The following MZF1 variants were observed in gnomAD, a reference collection of about 807,000 sequenced individuals.
The protein encoded by MZF1 is myeloid zinc finger 1.
Under a neutral mutation model 28.6 loss-of-function variants are expected in MZF1, and 24 were observed. That is an observed-to-expected ratio of 0.84 (90% CI 0.61 to 1.18). The LOEUF is 1.18. Among genes scored for constraint, MZF1 ranks in the 50% most tolerant of loss-of-function variants. MZF1 has a pLI of 0.00. For missense variants in MZF1, 1,166 were observed against 1,026.4 expected, an observed-to-expected ratio of 1.14 and a Z score of -1.86; for synonymous variants, 516 against 432.5, an observed-to-expected ratio of 1.19 and a Z score of -2.40.
chr19:58,562,260 G>A lies in MZF1; in HGVS notation c.2017C>T (p.Arg673Cys), dbSNP rs900246136. 8.1e-6 allele frequency: 13 copies of A among 1,605,424 alleles called. No homozygotes were observed. Among genetic ancestry groups the A allele is most frequent in the South Asian group, 2.2e-5 (2 of 90,368 alleles). The change falls in exon 6 of 6, where the codon CGC (arginine) becomes TGC (cysteine). Residue 673 changes from arginine (R) to cysteine (C), a missense_variant. Coordinates refer to ENST00000215057, the MANE Select transcript of MZF1 (RefSeq NM_198055.2). ...RQHANLTQHR[R>C]IHTGERPYAC... ...TAGGGCCGTTCACCCGTGTGGATGC[G>A]CCGGTGCTGGGTGAGGTTGGCGTGC...
intron 5 of MZF1, chr19:58,564,673 C>A (rs1568679957): frequency 6.6e-6 from 1 of 152,206 alleles, no homozygotes; most frequent in South Asian, 2.1e-4. Context: ...AAATGTCCCA[C>A]ACTTTGTTCA....
chr19:58,569,776 G>A (rs1433252806), intron 3 of MZF1, 190 bp from the exon 4 acceptor site: 1 of 569,978 alleles, frequency 1.8e-6, no homozygotes, highest in Non-Finnish European at 3.1e-6. Context: ...TGGAAGGCCA[G>A]GGGTTGAGCT....
chr19:58,567,324 G>A (rs1261175028), intron 5 of MZF1, among the ~76,000 whole-genome samples: 1 of 152,232 alleles, frequency 6.6e-6, no homozygotes, highest in Non-Finnish European at 1.5e-5. Flanking sequence ...GCTGGGCAGG[G>A]CTGCTGCTGT....
In MZF1 at chr19:58,569,578, C is replaced by T; in HGVS notation, c.589G>A (p.Glu197Lys). ...SEVTEDSDFLESGPLAATQES... is the reference protein window; with the variant it reads ...SEVTEDSDFLKSGPLAATQES... ...TGGGTGGCAGCTAGAGGCCCAGACT[C>T]CAGGAAATCTAGAGAGGAAAACTGG... The change falls in exon 4 of 6, where the codon GAG becomes AAG. Residue 197 changes from glutamate to lysine, a missense_variant. Glu to Lys is a moderately conservative substitution (Grantham distance 56). Transcript: ENST00000215057. 1 of 1,602,792 alleles carries T rather than the reference C, an allele frequency of 6.2e-7. No individual in the cohort carries two copies. Among genetic ancestry groups the T allele is most frequent in the Non-Finnish European group, 8.5e-7 (1 of 1,173,232 alleles).
intron 1 of MZF1, 143 bp from the exon 2 acceptor site, chr19:58,571,572 C>T: frequency 1.3e-6 from 1 of 757,364 alleles, no homozygotes; most frequent in East Asian, 2.7e-5. Flanking sequence ...CCATCTACAA[C>T]CCACAGACTT....
In MZF1 at chr19:58,571,103, A is replaced by G. The variant is rs1322977494; in HGVS notation, c.287T>C (p.Leu96Pro). 6.2e-7 allele frequency: 1 copy of G among 1,613,810 alleles called. No homozygotes were observed. The highest frequency in any genetic ancestry group is 8.5e-7 in the Non-Finnish European group (1 of 1,179,998). Residue 96 changes from leucine to proline, a missense_variant, in exon 2 of 6, where the codon CTG (leucine) becomes CCG (proline). By Grantham distance (98) the Leu-to-Pro change is moderately conservative (BLOSUM62 -3). Transcript: ENST00000215057. ...LLVLEQFLGA[L>P]PPEIQARVQG... The stretch of plus-strand genomic sequence containing the variant: ...CACACGGGCCTGGATCTCAGGGGGC[A>G]GTGCGCCCAGGAACTGCTCCAGCAC...
chr19:58,565,040 C>T (rs1354745420), intron 5 of MZF1, among the ~76,000 whole-genome samples: 2 of 145,410 alleles, frequency 1.4e-5, no homozygotes, highest in Admixed American at 7.1e-5. Flanking sequence ...GCTGCTTCAT[C>T]TTCCTGAGTA....
chr19:58,570,906 T>C, intron 2 of MZF1, 88 bp downstream of exon 2: 1 of 1,405,178 alleles, frequency 7.1e-7, no homozygotes, highest in South Asian at 1.3e-5. Context: ...AGGGAGAACG[T>C]GTGTCTGGCA....
At chr19:58,565,942 C>T (rs1600102149) in intron 5 of MZF1, among the ~76,000 whole-genome samples, 1 of 147,580 alleles carries the variant, frequency 6.8e-6, no homozygotes, top group African/African-American at 2.5e-5. Context: ...AGATCGAGAC[C>T]ATCCTGGCTA....
rs1600099960 is a variant in MZF1, at chr19:58,564,898, G to GTTTTTTTTT, written c.773-1395_773-1394insAAAAAAAAA. ...CAGGGTGGAGAATAAGCATCCATGT[G>GTTTTTTTTT]TGTGTTTTTTTTTTTTTTTTTTTTT... On this transcript the variant is annotated intron_variant, in intron 5 of 5. Transcript: ENST00000215057. 8.4e-4 allele frequency among the ~76,000 whole-genome samples: 77 copies of GTTTTTTTTT among 91,938 alleles called. 14 individuals carry two copies. The highest frequency in any genetic ancestry group is 3.6e-3 in the African/African-American group (69 of 18,942). 60.3% of individuals were successfully genotyped at this position (91,938 alleles called of 152,430 possible). A position where few individuals can be genotyped will look rare whatever the true frequency, so the allele number is the denominator to read the frequency against.
chr19:58,571,584 T>A, intron 1 of MZF1, 155 bp from the exon 2 acceptor site: 2 of 708,048 alleles, frequency 2.8e-6, no homozygotes, highest in South Asian at 2.0e-5. Context: ...CACAGACTTA[T>A]GCAGCTGGAA....
At chr19:58,569,653 T>C (rs2054121256) in intron 3 of MZF1, 67 bp from the exon 4 acceptor site, 2 of 1,355,394 alleles carry the variant, frequency 1.5e-6, no homozygotes, top group South Asian at 1.4e-5. Context: ...CTTAGTGGTG[T>C]GCCAGGTGCT....
intron 2 of MZF1, 72 bp from the exon 3 acceptor site, chr19:58,570,599 GC>G: frequency 6.7e-7 from 1 of 1,492,710 alleles, no homozygotes. Flanking sequence ...GTTTGTGGGT[GC>G]CCATCCCACT....
chr19:58,562,366 G>A lies in MZF1; in HGVS notation c.1911C>T (p.Val637=). The A allele has an allele frequency of 3.1e-6, 5 of 1,609,298 alleles. No individual in the cohort carries two copies. The highest frequency in any genetic ancestry group is 4.2e-6 in the Non-Finnish European group (5 of 1,178,350). The change falls in exon 6 of 6, where the codon GTC becomes GTT. Residue 637 remains valine (V), a synonymous_variant. Transcript: ENST00000215057. Reference sequence around the variant, plus strand: ...TGCGCTGGTGCTCGGTGAGCCGCGAGACCTGCGTGAAGCCCAGGCCGCACT... The same window carrying A: ...TGCGCTGGTGCTCGGTGAGCCGCGAAACCTGCGTGAAGCCCAGGCCGCACT... ...CGECGLGFTQ[V]SRLTEHQRIH...
chr19:58,572,421 G>C (rs1231773343), intron 1 of MZF1: 11 of 594,312 alleles, frequency 1.9e-5, no homozygotes, highest in South Asian at 1.7e-4. Context: ...GCAATGGGTG[G>C]GGGGGCGGCA....
Position 58,572,267 on chromosome 19 carries a change from T to C in MZF1, c.-41+788A>G, listed in dbSNP as rs1313956269. 2.0e-5 allele frequency among the ~76,000 whole-genome samples: 3 copies of C among 152,262 alleles called. No individual in the cohort carries two copies. In the East Asian group the frequency reaches 5.8e-4, roughly 29 times the overall value. ...CTCCACCTAATCCTCCATGTCAACC[T>C]GTGCAGTCACTTGTATGGCTCAGCT... is the stretch of plus-strand genomic sequence containing the variant. On this transcript the variant is annotated intron_variant, in intron 1 of 5. Coordinates refer to ENST00000215057, the MANE Select transcript of MZF1 (RefSeq NM_198055.2).
rs1469875340 is a variant in MZF1 at position 58,564,898 on chromosome 19, GTGTGTTT to G, written c.773-1401_773-1395del. Reference sequence around the variant, plus strand: ...CAGGGTGGAGAATAAGCATCCATGTGTGTGTTTTTTTTTTTTTTTTTTTTTTTTTTTT... The same window carrying G: ...CAGGGTGGAGAATAAGCATCCATGTGTTTTTTTTTTTTTTTTTTTTTTTTT... On this transcript the variant is annotated intron_variant, in intron 5 of 5. Coordinates refer to ENST00000215057, the MANE Select transcript of MZF1 (RefSeq NM_198055.2). Among the ~76,000 whole-genome samples the G allele has an allele frequency of 2.7e-3, 252 of 91,940 alleles. 32 individuals carry two copies. The highest frequency in any genetic ancestry group is 0.012 in the African/African-American group (234 of 18,944). 60.3% of individuals were successfully genotyped at this position (91,940 alleles called of 152,430 possible).
At chr19:58,573,366 T>TC (rs2054202901), upstream of MZF1, 4 of 152,588 alleles carry the variant, frequency 2.6e-5, no homozygotes, top group South Asian at 7.9e-4. Context: ...CACCACGTTT[T>TC]CCTCACTTCT....
In MZF1 at chr19:58,562,862, G is replaced by A. The variant is rs777807962; in HGVS notation, c.1415C>T (p.Pro472Leu). The change falls in exon 6 of 6, where the codon CCC becomes CTC. Residue 472 changes from proline (P) to leucine (L), a missense_variant. Pro to Leu is a moderately conservative substitution (Grantham distance 98, BLOSUM62 -3). Coordinates refer to ENST00000215057, the MANE Select transcript of MZF1 (RefSeq NM_198055.2). ...HGDPPGPGAK[P>L]PAPPGAPEPP... The stretch of plus-strand genomic sequence containing the variant: ...CTCGGGCGCACCAGGAGGGGCCGGG[G>A]GCTTAGCGCCAGGGCCCGGGGGATC... 19 of 1,544,078 alleles carry A rather than the reference G, an allele frequency of 1.2e-5. No individual in the cohort carries two copies. The South Asian group carries it at 1.3e-4, about 10-fold the overall frequency.
Sources: allele counts gnomAD v4.1 joint callset (sites outside exome capture counted in the v4.1 genomes callset), GRCh38; gene constraint gnomAD v4.1.1; transcripts MANE v1.5; gene names NCBI Gene and HGNC (gene_info 2026-07-23, HGNC 2026-07-21).